LARGE2: variants seen among roughly 807,000 people sequenced by gnomAD.
LARGE2 encodes xylosyl- and glucuronyltransferase LARGE2.
In LARGE2, 63 loss-of-function variants were observed where a neutral mutation model predicts 75.3. The observed-to-expected ratio is 0.84, with a 90% CI of 0.68 to 1.03. LARGE2 has a LOEUF of 1.03. LARGE2 is among the 50% of genes least tolerant of loss of function. The probability of loss-of-function intolerance (pLI) is 0.00; values close to 1 mark genes in which losing one functional copy is unlikely to be tolerated. For missense variants in LARGE2, 925 were observed against 980.6 expected, an observed-to-expected ratio of 0.94 and a Z score of 0.76; for synonymous variants, 428 against 420.1, an observed-to-expected ratio of 1.02 and a Z score of -0.23.
rs576172696 is a variant in LARGE2 at position 45,927,999 on chromosome 11, C to G, written c.1684C>G (p.Arg562Gly). Residue 562 changes from arginine to glycine, a missense_variant, in exon 12 of 14, where the codon CGC (arginine) becomes GGC (glycine). Transcript: ENST00000401752. ...VVPAFETLRY[R>G]FSFPHSKVEL... ...GCCGGCATTCGAGACCCTGCGCTAC[C>G]GCTTCAGCTTCCCCCATTCCAAGGT... is the stretch of plus-strand genomic sequence containing the variant. 6.2e-7 allele frequency: 1 copy of G among 1,613,978 alleles called. No homozygotes were observed. Among genetic ancestry groups the G allele is most frequent in the Non-Finnish European group, 8.5e-7 (1 of 1,180,026 alleles).
intron 10 of LARGE2, 37 bp downstream of exon 10, chr11:45,926,908 G>A (rs574202333): frequency 1.9e-6 from 3 of 1,573,382 alleles, no homozygotes; most frequent in South Asian, 2.3e-5. Flanking sequence ...GGTATGGCAT[G>A]GGCTGGGGTT....
chr11:45,922,758 C>T (rs556575124), intron 1 of LARGE2, 30 bp downstream of exon 1: 2 of 790,256 alleles, frequency 2.5e-6, no homozygotes, highest in East Asian at 3.5e-5. Context: ...GCGAGCCGCA[C>T]AACCCGGCCG....
Position 45,929,060 on chromosome 11 carries a change from G to T in LARGE2, c.*215G>T. 2 of 618,112 alleles carry T rather than the reference G, an allele frequency of 3.2e-6. No homozygotes were observed. The highest frequency in any genetic ancestry group is 4.1e-5 in the South Asian group (2 of 48,830). The allele number at this position is 618,112 out of a possible 1,614,324, so 38.3% of individuals were successfully genotyped here. A position where few individuals can be genotyped will look rare whatever the true frequency, so the allele number is the denominator to read the frequency against. On this transcript the variant is annotated 3_prime_UTR_variant, in exon 14 of 14. Coordinates refer to ENST00000401752, the MANE Select transcript of LARGE2 (RefSeq NM_001300721.2). Reference sequence around the variant, plus strand: ...GGGGCTGGTTCCCCCATCTTGAATTGTTTATCCCTTTTTCATAATTAAAGT... The same window carrying T: ...GGGGCTGGTTCCCCCATCTTGAATTTTTTATCCCTTTTTCATAATTAAAGT...
At chr11:45,924,962 A>G in intron 6 of LARGE2, 73 bp downstream of exon 6, 1 of 908,350 alleles carries the variant, frequency 1.1e-6, no homozygotes, top group Non-Finnish European at 1.6e-6. Flanking sequence ...GGGTGGGGCA[A>G]AGAATGCTAG....
In LARGE2 at chr11:45,922,818, C is replaced by A; in HGVS notation, c.-62-3C>A. ...GTCTCCCATCTCGCCCCTCGGTCCG[C>A]AGGGCCTGCGATGGAGCCTGCAGCC... On this transcript the variant is annotated splice_polypyrimidine_tract_variant and splice_region_variant and intron_variant, in intron 1 of 13. Transcript: ENST00000401752. 1.7e-6 allele frequency: 2 copies of A among 1,190,952 alleles called. No individual in the cohort carries two copies. Among genetic ancestry groups the A allele is most frequent in the Non-Finnish European group, 1.1e-6 (1 of 952,166 alleles). 73.8% of individuals were successfully genotyped at this position (1,190,952 alleles called of 1,614,324 possible).
In LARGE2 at chr11:45,928,774, C is replaced by T. The variant is rs748231273; in HGVS notation, c.2095C>T (p.Arg699Cys). 1.8e-5 allele frequency: 29 copies of T among 1,613,880 alleles called. No homozygotes were observed. Among genetic ancestry groups the T allele is most frequent in the East Asian group, 1.3e-4 (6 of 44,888 alleles). The change falls in exon 14 of 14, where the codon CGC becomes TGC. Residue 699 changes from arginine to cysteine, a missense_variant. Coordinates refer to ENST00000401752, the MANE Select transcript of LARGE2 (RefSeq NM_001300721.2). ...GGACGAATTCCACCAGGACTTGTCC[C>T]GCCACCATGGGGCTGCTGCCCTCAA... ...LKDEFHQDLS[R>C]HHGAAALKYL...
chr11:45,926,358 C>G lies in LARGE2; in HGVS notation c.1008+11C>G, dbSNP rs1269829114. ...GCGTCTGACCTCAAGGTGAGTGGGA[C>G]AAGAGGCTGTGTGGTGGTGGGGGGC... On this transcript the variant is annotated intron_variant, in intron 8 of 13. Coordinates refer to ENST00000401752, the MANE Select transcript of LARGE2 (RefSeq NM_001300721.2). The G allele has an allele frequency of 1.9e-6, 3 of 1,613,972 alleles. No homozygotes were observed. Among genetic ancestry groups the G allele is most frequent in the African/African-American group, 2.7e-5 (2 of 74,934 alleles).
At position 45,923,646 on chromosome 11, in the gene LARGE2, T is replaced by C. The variant is rs370842989; in HGVS notation, c.368+91T>C. 3.2e-4 allele frequency: 370 copies of C among 1,149,518 alleles called. No homozygotes were observed. The Middle Eastern group carries it at 4.3e-3, about 13-fold the overall frequency. The allele number at this position is 1,149,518 out of a possible 1,614,324, so 71.2% of individuals were successfully genotyped here. A position where few individuals can be genotyped will look rare whatever the true frequency, so the allele number is the denominator to read the frequency against. ...TGGTCTCAGAGCTTCAGCTTCCTCA[T>C]CTGTGACGCGGGGACAGTGTCCCCT... On this transcript the variant is annotated intron_variant, in intron 3 of 13. Coordinates refer to ENST00000401752, the MANE Select transcript of LARGE2 (RefSeq NM_001300721.2).
chr11:45,923,481 T>C lies in LARGE2; in HGVS notation c.294T>C (p.His98=), dbSNP rs761102296. The C allele has an allele frequency of 6.2e-7, 1 of 1,613,548 alleles. No homozygotes were observed. The highest frequency in any genetic ancestry group is 8.5e-7 in the Non-Finnish European group (1 of 1,179,962). The change falls in exon 3 of 14, where the codon CAT becomes CAC. Residue 98 remains histidine, a synonymous_variant. Coordinates refer to ENST00000401752, the MANE Select transcript of LARGE2 (RefSeq NM_001300721.2). The stretch of plus-strand genomic sequence containing the variant: ...TGGGCGTCCCTCCCCAGCTCTTGCA[T>C]GTGGCCATCGTGTGTGCGGGGCATA... ...PPPPPKCELL[H]VAIVCAGHNS... is the part of the protein sequence containing the mutation.
chr11:45,929,079 T>C lies in LARGE2; in HGVS notation c.*234T>C, dbSNP rs138853591. Reference sequence around the variant, plus strand: ...TGAATTGTTTATCCCTTTTTCATAATTAAAGTTTTAAAACATCTTTTTTGT... The same window carrying C: ...TGAATTGTTTATCCCTTTTTCATAACTAAAGTTTTAAAACATCTTTTTTGT... On this transcript the variant is annotated 3_prime_UTR_variant, in exon 14 of 14. Transcript: ENST00000401752. 2.0e-3 allele frequency: 1,159 copies of C among 593,318 alleles called. 8 individuals are homozygous for C. The African/African-American group carries it at 0.02, about 10-fold the overall frequency. The allele number at this position is 593,318 out of a possible 1,614,324, so 36.8% of individuals were successfully genotyped here. A position where few individuals can be genotyped will look rare whatever the true frequency, so the allele number is the denominator to read the frequency against.
chr11:45,924,421 C>G (rs1266034927), intron 4 of LARGE2, 85 bp from the exon 5 acceptor site: 1 of 1,565,954 alleles, frequency 6.4e-7, no homozygotes, highest in Non-Finnish European at 8.6e-7. Flanking sequence ...GGTTTACCCC[C>G]TCTCCTCTGT....
Position 45,923,153 on chromosome 11 carries a change from C to T in LARGE2, c.271C>T (p.Pro91Ser), listed in dbSNP as rs1210722890. ...RSDCGPQPPP[P>S]PKCELLHVAI... The stretch of plus-strand genomic sequence containing the variant: ...CGACTGCGGCCCGCAGCCGCCGCCG[C>T]CGCCCAAGTGCGAGGTAGGTGCGCG... The change falls in exon 2 of 14, where the codon CCG (proline) becomes TCG (serine). Residue 91 changes from proline (P) to serine (S), a missense_variant. By Grantham distance (74) the Pro-to-Ser change is moderately conservative. This residue lies in a region of LARGE2 where 453 missense variants were observed against 460.2 expected (regional missense o/e 0.98). Coordinates refer to ENST00000401752, the MANE Select transcript of LARGE2 (RefSeq NM_001300721.2). The T allele has an allele frequency of 2.2e-6, 3 of 1,342,564 alleles. No homozygotes were observed. In the South Asian group the frequency reaches 5.8e-5, roughly 26 times the overall value. 83.2% of individuals were successfully genotyped at this position (1,342,564 alleles called of 1,614,324 possible).
rs150587760 is a variant in LARGE2 at position 45,928,749 on chromosome 11, G to A, written c.2070G>A (p.Lys690=). ...ATCGTGACTGCCTCCAGGCCCTCAA[G>A]GACGAATTCCACCAGGACTTGTCCC... The part of the protein sequence containing the change: ...PTYRDCLQAL[K]DEFHQDLSRH... Residue 690 remains lysine (K), a synonymous_variant, in exon 14 of 14, where the codon AAG becomes AAA. Transcript: ENST00000401752. 3 of 1,614,022 alleles carry A rather than the reference G, an allele frequency of 1.9e-6. No homozygotes were observed. The highest frequency in any genetic ancestry group is 2.5e-6 in the Non-Finnish European group (3 of 1,180,042).
intron 6 of LARGE2, 148 bp from the exon 7 acceptor site, chr11:45,925,888 AAAC>A (rs566228249): frequency 6.7e-4 from 482 of 717,472 alleles, no homozygotes; most frequent in South Asian, 2.5e-3. Flanking sequence ...AAAACAAAAC[AAAC>A]AACAACAACA....
rs377007291 is a variant in LARGE2 at position 45,924,645 on chromosome 11, C to T, written c.632C>T (p.Ser211Leu). 6.2e-6 allele frequency: 10 copies of T among 1,613,754 alleles called. No homozygotes were observed. Among genetic ancestry groups the T allele is most frequent in the East Asian group, 2.2e-5 (1 of 44,876 alleles). Residue 211 changes from serine (S) to leucine (L), a missense_variant, in exon 5 of 14, where the codon TCG becomes TTG. Around this residue, in one of 3 missense-constraint regions of LARGE2, gnomAD observed 453 missense variants for 460.2 expected, o/e 0.98. Coordinates refer to ENST00000401752, the MANE Select transcript of LARGE2 (RefSeq NM_001300721.2). The part of the protein sequence containing the change: ...DTDVTFASDI[S>L]ELWALFAHFS... ...GATGTCACCTTCGCCTCTGACATCT[C>T]GGAGCTCTGGGCCCTCTTTGCTCAC...
In LARGE2 at chr11:45,928,808, C is replaced by G. The variant is rs142902600; in HGVS notation, c.2129C>G (p.Pro710Arg). ...HHGAAALKYLPALQQPQSPAR... is the reference protein window; with the variant it reads ...HHGAAALKYLRALQQPQSPAR... ...GGGGCTGCTGCCCTCAAATACCTCC[C>G]AGCCCTGCAGCAGCCCCAGAGCCCT... is the stretch of plus-strand genomic sequence containing the variant. Residue 710 changes from proline to arginine, a missense_variant, in exon 14 of 14, where the codon CCA (proline) becomes CGA (arginine). This residue lies in a region of LARGE2 where 469 missense variants were observed against 503.8 expected (regional missense o/e 0.93). Coordinates refer to ENST00000401752, the MANE Select transcript of LARGE2 (RefSeq NM_001300721.2). The G allele has an allele frequency of 6.6e-5, 107 of 1,613,408 alleles. No homozygotes were observed. The highest frequency in any genetic ancestry group is 8.6e-5 in the Non-Finnish European group (102 of 1,179,988).
chr11:45,928,178 TACC>T lies in LARGE2; in HGVS notation c.1759_1761del (p.His587del), dbSNP rs2087316231. On this transcript the variant is annotated inframe_deletion and splice_region_variant, in exon 13 of 14. Transcript: ENST00000401752. ...CTCCCACCCGACCCTGCTGCACAGG[TACC>T]ACGAGTGGCCCCGAGGCCACGCACC... is the stretch of plus-strand genomic sequence containing the variant. 2 of 1,613,420 alleles carry T rather than the reference TACC, an allele frequency of 1.2e-6. No homozygotes were observed. Among genetic ancestry groups the T allele is most frequent in the Admixed American group, 1.7e-5 (1 of 59,994 alleles).
chr11:45,927,862 A>C, intron 11 of LARGE2, 58 bp from the exon 12 acceptor site: 1 of 1,607,606 alleles, frequency 6.2e-7, no homozygotes, highest in African/African-American at 1.3e-5. Context: ...GATGAGTGTC[A>C]CTGGCCCAGT....
intron 3 of LARGE2, 104 bp downstream of exon 3, chr11:45,923,659 G>A (rs2087016692): frequency 2.9e-6 from 3 of 1,034,158 alleles, no homozygotes; most frequent in South Asian, 2.7e-5. Flanking sequence ...GTGACGCGGG[G>A]ACAGTGTCCC....
Sources: allele counts gnomAD v4.1 joint callset, GRCh38; gene constraint gnomAD v4.1.1; regional missense constraint gnomAD v4.1.1; transcripts MANE v1.5; gene names NCBI Gene and HGNC (gene_info 2026-07-23, HGNC 2026-07-21).